The following PDZRN3 variants were observed in gnomAD, a reference collection of about 807,000 sequenced individuals.
The protein encoded by PDZRN3 is PDZ domain containing ring finger 3, also known as E3 ubiquitin-protein ligase PDZRN3.
Under a neutral mutation model 85.7 loss-of-function variants are expected in PDZRN3, and 38 were observed. That is an observed-to-expected ratio of 0.44 (90% CI 0.34 to 0.58). The LOEUF is 0.58. Among genes scored for constraint, PDZRN3 ranks in the 20% least tolerant of loss-of-function variants. PDZRN3 has a pLI of 0.01. For missense variants in PDZRN3, 1,629 were observed against 1,506.4 expected, an observed-to-expected ratio of 1.08 and a Z score of -1.35; for synonymous variants, 759 against 638.0, an observed-to-expected ratio of 1.19 and a Z score of -2.86.
chr3:73,583,476 T>C (rs1370067120), intron 3 of PDZRN3, among the ~76,000 whole-genome samples: 10 of 152,148 alleles, frequency 6.6e-5, no homozygotes, highest in Admixed American at 5.9e-4. Context: ...CCTGGGAACA[T>C]ATGCATGAAC....
chr3:73,411,918 C>T (rs1356644597), intron 3 of PDZRN3, among the ~76,000 whole-genome samples: 1 of 152,198 alleles, frequency 6.6e-6, no homozygotes, highest in Non-Finnish European at 1.5e-5. Context: ...TGCACTCTAC[C>T]TATATTTACT....
intron 3 of PDZRN3, among the ~76,000 whole-genome samples, chr3:73,469,814 A>G (rs1304226876): frequency 6.6e-6 from 1 of 152,188 alleles, no homozygotes; most frequent in Admixed American, 6.5e-5. Flanking sequence ...TTCTGATTGG[A>G]TGCACTGATT....
At chr3:73,500,240 G>A (rs1404845133) in intron 3 of PDZRN3, among the ~76,000 whole-genome samples, 7 of 152,032 alleles carry the variant, frequency 4.6e-5, no homozygotes, top group Admixed American at 1.3e-4. Flanking sequence ...GTACAGACTG[G>A]GTCTCACTAT....
chr3:73,385,929 GCTGTTAAGTCAGGAAA>G, intron 8 of PDZRN3, 144 bp from the exon 9 acceptor site: 1 of 612,272 alleles, frequency 1.6e-6, no homozygotes. Context: ...CCAATGATTT[GCTGTTAAGTCAGGAAA>G]CTATCCAACC....
At chr3:73,620,316 A>G (rs1025891596) in intron 1 of PDZRN3, among the ~76,000 whole-genome samples, 2 of 152,242 alleles carry the variant, frequency 1.3e-5, no homozygotes, top group African/African-American at 4.8e-5. Flanking sequence ...AAGTTTTTCA[A>G]TCAATCCAAG....
chr3:73,490,927 G>A (rs1238838880), intron 3 of PDZRN3, among the ~76,000 whole-genome samples: 1 of 152,182 alleles, frequency 6.6e-6, no homozygotes, highest in Non-Finnish European at 1.5e-5. Context: ...GTCCTTCAAC[G>A]CACGGGGCTT....
chr3:73,522,999 G>T (rs1704407888), intron 3 of PDZRN3, among the ~76,000 whole-genome samples: 1 of 152,098 alleles, frequency 6.6e-6, no homozygotes, highest in Non-Finnish European at 1.5e-5. Context: ...CACAATAAAA[G>T]GAAGAGTTTT....
At chr3:73,452,726 C>T (rs9829162) in intron 3 of PDZRN3, among the ~76,000 whole-genome samples, 122,044 of 152,160 alleles carry the variant, frequency 0.8, 49,007 homozygotes, top group East Asian at 0.91. Flanking sequence ...GTGAGTTACT[C>T]TGATGCTGTC....
chr3:73,500,852 A>G (rs192639314), intron 3 of PDZRN3, among the ~76,000 whole-genome samples: 108 of 152,160 alleles, frequency 7.1e-4, no homozygotes, highest in Admixed American at 2.5e-3. Flanking sequence ...ACACAGCCTA[A>G]CTGATCCACT....
At chr3:73,444,148 G>C (rs2106827999) in intron 3 of PDZRN3, among the ~76,000 whole-genome samples, 1 of 152,238 alleles carries the variant, frequency 6.6e-6, no homozygotes, top group South Asian at 2.1e-4. Context: ...TTCAATCCAT[G>C]ATGCTTTTAT....
intron 3 of PDZRN3, among the ~76,000 whole-genome samples, chr3:73,458,980 A>G (rs1237240702): frequency 1.3e-5 from 2 of 149,360 alleles, no homozygotes; most frequent in Non-Finnish European, 3.0e-5. Context: ...CAACAGAGCA[A>G]AACTCCATCT....
intron 3 of PDZRN3, among the ~76,000 whole-genome samples, chr3:73,517,568 G>C (rs984706344): frequency 6.6e-6 from 1 of 152,154 alleles, no homozygotes; most frequent in African/African-American, 2.4e-5. Flanking sequence ...ATGTACACAA[G>C]AGAATATTCT....
chr3:73,544,002 A>G (rs1701355864), intron 3 of PDZRN3, among the ~76,000 whole-genome samples: 1 of 152,242 alleles, frequency 6.6e-6, no homozygotes, highest in African/African-American at 2.4e-5. Context: ...ACTTGAGGTC[A>G]GGAGTTTGAG....
At chr3:73,621,900 T>C (rs1228022295) in intron 1 of PDZRN3, 1 of 152,234 alleles carries the variant, frequency 6.6e-6, no homozygotes, top group Non-Finnish European at 1.5e-5. Flanking sequence ...AAGTATCATA[T>C]TTTTGACTCT....
chr3:73,578,678 G>A lies in PDZRN3; in HGVS notation c.918+23676C>T, dbSNP rs1047457244. Among the ~76,000 whole-genome samples, 22 of 152,186 alleles carry A rather than the reference G, an allele frequency of 1.4e-4. No individual in the cohort carries two copies. The South Asian group carries it at 4.0e-3, about 27-fold the overall frequency. On this transcript the variant is annotated intron_variant, in intron 3 of 9. Coordinates refer to ENST00000263666, the MANE Select transcript of PDZRN3 (RefSeq NM_015009.3). ...TGTTAAAAATCTGTCAATACACTGG[G>A]GATCCACAGGATTTCTTTCTTATTT...
chr3:73,521,426 G>A (rs773271075), intron 3 of PDZRN3, among the ~76,000 whole-genome samples: 6 of 152,084 alleles, frequency 3.9e-5, no homozygotes, highest in African/African-American at 9.7e-5. Flanking sequence ...TGCTGGGCTC[G>A]CTCGCTGCTC....
chr3:73,492,570 G>A (rs1273728366), intron 3 of PDZRN3, among the ~76,000 whole-genome samples: 2 of 152,198 alleles, frequency 1.3e-5, no homozygotes, highest in East Asian at 1.9e-4. Flanking sequence ...AGAACACCCC[G>A]CTTCACAGGA....
chr3:73,605,962 TG>T (rs1702594241), intron 2 of PDZRN3, among the ~76,000 whole-genome samples: 1 of 152,248 alleles, frequency 6.6e-6, no homozygotes, highest in East Asian at 1.9e-4. Flanking sequence ...ACATGCTCTT[TG>T]ATAAGCACAG....
Position 73,383,935 on chromosome 3 carries a change from G to C in PDZRN3, c.2631C>G (p.Ala877=). 6.2e-7 allele frequency: 1 copy of C among 1,607,128 alleles called. No individual in the cohort carries two copies. Among genetic ancestry groups the C allele is most frequent in the Admixed American group, 1.7e-5 (1 of 59,706 alleles). The change falls in exon 10 of 10, where the codon GCC becomes GCG. Residue 877 remains alanine, a synonymous_variant. Coordinates refer to ENST00000263666, the MANE Select transcript of PDZRN3 (RefSeq NM_015009.3). ...PYKHAHIPAH[A]QHYQSYMQLI... is the part of the protein sequence containing the mutation. ...GCTGCATGTAGCTCTGGTAGTGCTGGGCGTGCGCCGGGATGTGCGCGTGCT... is the reference window on the plus strand; with the variant it reads ...GCTGCATGTAGCTCTGGTAGTGCTGCGCGTGCGCCGGGATGTGCGCGTGCT...
Sources: gnomAD v4.1 joint callset for allele counts (sites outside exome capture counted in the v4.1 genomes callset) on GRCh38, gnomAD v4.1.1 for gene constraint, MANE v1.5 for transcripts, NCBI Gene and HGNC (gene_info 2026-07-23, HGNC 2026-07-21) for gene names.